Variants in CREB5 observed in about 807,000 individuals in gnomAD.
CREB5 encodes cAMP responsive element binding protein 5.
CREB5 carries 19 observed loss-of-function variants against 57.1 expected under a neutral mutation model. The ratio of observed to expected loss-of-function variants is 0.33; its 90% CI spans 0.23 to 0.49. The LOEUF is 0.49. CREB5 is among the 20% of genes least tolerant of loss of function. The pLI is 0.99. For missense variants in CREB5, 579 were observed against 671.6 expected (o/e 0.86, Z 1.52); for synonymous variants, 238 against 238.3 (o/e 1.00, Z 0.01).
intron 5 of CREB5, among the ~76,000 whole-genome samples, chr7:28,659,437 T>C (rs972457936): frequency 2.0e-5 from 3 of 152,140 alleles, no homozygotes; most frequent in African/African-American, 7.2e-5. Flanking sequence ...TCCTTTTTAT[T>C]CTTCTCTCAG....
At chr7:28,659,293 T>A (rs200287992) in intron 5 of CREB5, among the ~76,000 whole-genome samples, 2 of 151,970 alleles carry the variant, frequency 1.3e-5, no homozygotes, top group East Asian at 3.9e-4. Flanking sequence ...GTGTTCAGAG[T>A]GAAATACTTT....
chr7:28,619,103 T>G (rs139464878), intron 5 of CREB5, among the ~76,000 whole-genome samples: 26 of 152,356 alleles, frequency 1.7e-4, no homozygotes, highest in African/African-American at 6.0e-4. Context: ...CACTTTAGAT[T>G]TAACTCATTT....
At chr7:28,457,087 A>G (rs954110847) in intron 1 of CREB5, among the ~76,000 whole-genome samples, 1 of 152,218 alleles carries the variant, frequency 6.6e-6, no homozygotes, top group African/African-American at 2.4e-5. Flanking sequence ...CGAGACAGAG[A>G]GAAAATGGGG....
At chr7:28,436,457 C>T (rs1408960406) in intron 1 of CREB5, among the ~76,000 whole-genome samples, 1 of 152,138 alleles carries the variant, frequency 6.6e-6, no homozygotes, top group Non-Finnish European at 1.5e-5. Flanking sequence ...TACTACTTAT[C>T]TGTGTATTAT....
At chr7:28,804,653 G>T in intron 8 of CREB5, 131 bp downstream of exon 8, 1 of 1,151,800 alleles carries the variant, frequency 8.7e-7, no homozygotes, top group Non-Finnish European at 1.3e-6. Context: ...TAGGGGCTCT[G>T]TTTATCTCCT....
At chr7:28,679,454 G>A (rs1266252752) in intron 5 of CREB5, among the ~76,000 whole-genome samples, 2 of 152,204 alleles carry the variant, frequency 1.3e-5, no homozygotes, top group Non-Finnish European at 2.9e-5. Flanking sequence ...TTGGCTCAGA[G>A]TGTGGGCCCT....
intron 5 of CREB5, among the ~76,000 whole-genome samples, chr7:28,619,505 A>G (rs1188446578): frequency 6.6e-6 from 1 of 152,188 alleles, no homozygotes; most frequent in Non-Finnish European, 1.5e-5. Context: ...ACACTGAGAC[A>G]GGCACCATCC....
chr7:28,495,981 C>T (rs1426342805), intron 3 of CREB5, among the ~76,000 whole-genome samples: 1 of 152,002 alleles, frequency 6.6e-6, no homozygotes, highest in Non-Finnish European at 1.5e-5. Flanking sequence ...AGAAAAAGTG[C>T]AGGGACAGGA....
chr7:28,331,033 A>G (rs1267569325), intron 1 of CREB5, among the ~76,000 whole-genome samples: 1 of 152,130 alleles, frequency 6.6e-6, no homozygotes, highest in Non-Finnish European at 1.5e-5. Context: ...ATCAGTTACA[A>G]TGCTTCTTCT....
chr7:28,392,683 T>C (rs112406852), intron 1 of CREB5, among the ~76,000 whole-genome samples: 5 of 152,290 alleles, frequency 3.3e-5, no homozygotes, highest in African/African-American at 1.2e-4. Flanking sequence ...AGAATTTCAG[T>C]TTAGAGTGAT....
intron 1 of CREB5, among the ~76,000 whole-genome samples, chr7:28,402,292 C>T (rs919213475): frequency 3.9e-5 from 6 of 151,984 alleles, no homozygotes; most frequent in Non-Finnish European, 8.8e-5. Context: ...TGTTTACGTT[C>T]TTTGTAGATT....
At chr7:28,359,926 C>T (rs1786434296) in intron 1 of CREB5, among the ~76,000 whole-genome samples, 1 of 152,166 alleles carries the variant, frequency 6.6e-6, no homozygotes, top group Non-Finnish European at 1.5e-5. Flanking sequence ...CCTGAAGGGA[C>T]ATTTCTCTAA....
chr7:28,454,253 C>A (rs1355992200), intron 1 of CREB5, among the ~76,000 whole-genome samples: 1 of 152,088 alleles, frequency 6.6e-6, no homozygotes, highest in African/African-American at 2.4e-5. Flanking sequence ...ACGCGCGGCT[C>A]CAATTCTTAT....
rs1809652115 is a variant in CREB5, at chr7:28,819,721, G to C, written c.*442G>C. 6.5e-6 allele frequency: 1 copy of C among 154,716 alleles called. No individual in the cohort carries two copies. The highest frequency in any genetic ancestry group is 2.4e-5 in the African/African-American group (1 of 41,408). The allele number at this position is 154,716 out of a possible 1,614,324, so 9.6% of individuals were successfully genotyped here. The stretch of plus-strand genomic sequence containing the variant: ...CTTTTGACATCTTAACTCATGTTGA[G>C]TTTGTGCTGTGGTGTCACCAGAATT... On this transcript the variant is annotated 3_prime_UTR_variant, in exon 11 of 11. Coordinates refer to ENST00000357727, the MANE Select transcript of CREB5 (RefSeq NM_182898.4).
intron 7 of CREB5, among the ~76,000 whole-genome samples, chr7:28,774,079 C>T (rs1307562210): frequency 3.9e-5 from 6 of 152,184 alleles, no homozygotes; most frequent in African/African-American, 1.2e-4. Context: ...GGAATTCTTT[C>T]ATCTTTCTTT....
At chr7:28,308,359 A>G (rs1383768809) in intron 1 of CREB5, among the ~76,000 whole-genome samples, 1 of 152,210 alleles carries the variant, frequency 6.6e-6, no homozygotes, top group Non-Finnish European at 1.5e-5. Context: ...GCTTTCGACT[A>G]ATACTAGCAA....
chr7:28,312,381 A>G (rs1785295735), intron 1 of CREB5, among the ~76,000 whole-genome samples: 1 of 152,080 alleles, frequency 6.6e-6, no homozygotes, highest in Non-Finnish European at 1.5e-5. Flanking sequence ...GATTTCACAG[A>G]GGGGGAGGCA....
intron 4 of CREB5, among the ~76,000 whole-genome samples, chr7:28,560,963 T>TGCGTGTGC (rs1194418363): frequency 2.1e-5 from 1 of 48,108 alleles, no homozygotes; most frequent in African/African-American, 8.7e-5. Context: ...TGTGTGTGCG[T>TGCGTGTGC]GTGTGTGTGC....
intron 4 of CREB5, among the ~76,000 whole-genome samples, chr7:28,560,919 T>TGCGCGCGCGCGCGCGCGTGC (rs1562797827): frequency 5.1e-4 from 22 of 42,982 alleles, no homozygotes; most frequent in South Asian, 2.9e-3. Context: ...CGTGTGCGTG[T>TGCGCGCGCGCGCGCGCGTGC]GTGCGCGTGC....
Sources: gnomAD v4.1 joint callset for allele counts (sites outside exome capture counted in the v4.1 genomes callset) on GRCh38, gnomAD v4.1.1 for gene constraint, MANE v1.5 for transcripts, NCBI Gene and HGNC (gene_info 2026-07-23, HGNC 2026-07-21) for gene names.